The following EVI5L variants were observed in gnomAD, a reference collection of about 807,000 sequenced individuals.
EVI5L encodes EVI5-like protein.
EVI5L carries 30 observed loss-of-function variants against 106.1 expected under a neutral mutation model. The ratio of observed to expected loss-of-function variants is 0.28; its 90% CI spans 0.21 to 0.38. EVI5L has a LOEUF of 0.38. Ranked by LOEUF, EVI5L falls within the 10% of genes least tolerant of loss-of-function variation. EVI5L has a pLI of 1.00. For missense variants in EVI5L, 809 were observed against 1,098.0 expected, an observed-to-expected ratio of 0.74 and a Z score of 3.72; for synonymous variants, 489 against 483.3, an observed-to-expected ratio of 1.01 and a Z score of -0.15.
chr19:7,862,419 T>G lies in EVI5L; in HGVS notation c.1832T>G (p.Val611Gly), dbSNP rs757579911. ...ATCCACCGCAACCTTCTGAACCGCGTGGAGGCGGAGCGCGCGGCGCTGCAG... is the reference window on the plus strand; with the variant it reads ...ATCCACCGCAACCTTCTGAACCGCGGGGAGGCGGAGCGCGCGGCGCTGCAG... ...DHIHRNLLNR[V>G]EAERAALQEK... The change falls in exon 17 of 20, where the codon GTG (valine) becomes GGG (glycine). Residue 611 changes from valine (V) to glycine (G), a missense_variant. Transcript: ENST00000538904. 1.2e-6 allele frequency: 2 copies of G among 1,610,188 alleles called. No individual in the cohort carries two copies. Among genetic ancestry groups the G allele is most frequent in the East Asian group, 2.2e-5 (1 of 44,742 alleles).
At chr19:7,842,578 T>C (rs1481209658) in intron 1 of EVI5L, among the ~76,000 whole-genome samples, 2 of 149,332 alleles carry the variant, frequency 1.3e-5, no homozygotes, top group Admixed American at 6.7e-5. Flanking sequence ...TGTGTGTGCA[T>C]GTATCAAGCA....
At chr19:7,853,512 A>C (rs532096869) in intron 10 of EVI5L, 179 bp downstream of exon 10, 2 of 798,692 alleles carry the variant, frequency 2.5e-6, no homozygotes, top group African/African-American at 3.5e-5. Context: ...GCCAGCTGTG[A>C]GCGCCTCCCC....
intron 1 of EVI5L, among the ~76,000 whole-genome samples, chr19:7,841,789 C>G (rs988326875): frequency 6.6e-6 from 1 of 152,254 alleles, no homozygotes; most frequent in African/African-American, 2.4e-5. Flanking sequence ...GGGGCCTCCC[C>G]TGCCTCGCTC....
At chr19:7,862,632 C>A in intron 17 of EVI5L, 98 bp downstream of exon 17, 1 of 1,133,198 alleles carries the variant, frequency 8.8e-7, no homozygotes, top group South Asian at 2.2e-5. Flanking sequence ...GGCGTCCTGC[C>A]TCCCGATCTG....
At chr19:7,846,705 T>A in intron 2 of EVI5L, 26 bp downstream of exon 2, 1 of 1,605,742 alleles carries the variant, frequency 6.2e-7, no homozygotes, top group Non-Finnish European at 8.5e-7. Flanking sequence ...GGGGATGGGG[T>A]GAAATCTTGG....
chr19:7,839,850 G>T (rs1016557791), intron 1 of EVI5L, among the ~76,000 whole-genome samples: 1 of 152,154 alleles, frequency 6.6e-6, no homozygotes, highest in Non-Finnish European at 1.5e-5. Context: ...TTGAGGCCAG[G>T]ATCTCGCACC....
intron 1 of EVI5L, among the ~76,000 whole-genome samples, chr19:7,839,305 T>TAA (rs56135044): frequency 1.0e-3 from 144 of 144,068 alleles, no homozygotes; most frequent in African/African-American, 3.6e-3. Context: ...TCCATCCATC[T>TAA]AAAAAAAAAA....
chr19:7,847,326 G>A (rs1215772681), intron 2 of EVI5L, among the ~76,000 whole-genome samples: 1 of 151,882 alleles, frequency 6.6e-6, no homozygotes, highest in Non-Finnish European at 1.5e-5. Context: ...AGTGGCTCAA[G>A]CCTGTAATCC....
At chr19:7,854,293 A>AAG (rs1555693740) in intron 10 of EVI5L, among the ~76,000 whole-genome samples, 10 of 138,562 alleles carry the variant, frequency 7.2e-5, no homozygotes, top group Non-Finnish European at 9.4e-5. Context: ...AAAAAAAAAA[A>AAG]AAAAGAAAAG....
In EVI5L at chr19:7,856,608, G is replaced by A. The variant is rs962471766; in HGVS notation, c.1201-484G>A. Among the ~76,000 whole-genome samples, 12 of 151,934 alleles carry A rather than the reference G, an allele frequency of 7.9e-5. No individual in the cohort carries two copies. The highest frequency in any genetic ancestry group is 2.1e-4 in the South Asian group (1 of 4,822). The stretch of plus-strand genomic sequence containing the variant: ...AGCCCCCAATTCCTGCTCCTCACTC[G>A]TCCTCACTTGACCCTCCACTGGCCA... On this transcript the variant is annotated intron_variant, in intron 11 of 19. Coordinates refer to ENST00000538904, the MANE Select transcript of EVI5L (RefSeq NM_001159944.3). The surrounding 1 kb of genome is among the most constrained non-coding windows in gnomAD (Gnocchi z 6.6).
Position 7,863,019 on chromosome 19 carries a change from G to T in EVI5L, c.1995G>T (p.Met665Ile), listed in dbSNP as rs1286174966. The change falls in exon 18 of 20, where the codon ATG becomes ATT. Residue 665 changes from methionine (M) to isoleucine (I), a missense_variant. Physicochemically the swap from Met to Ile is conservative, Grantham distance 10. Coordinates refer to ENST00000538904, the MANE Select transcript of EVI5L (RefSeq NM_001159944.3). This position sits in a 1 kb window ranked among gnomAD's most constrained non-coding sequence, Gnocchi z 7.7. ...MAVRLREADS[M>I]AAVAEMRQRI... The stretch of plus-strand genomic sequence containing the variant: ...TGCGACTGCGGGAGGCGGACAGCAT[G>T]GCTGCGGTGGCCGAGATGCGGCAGC... 1 of 1,582,260 alleles carries T rather than the reference G, an allele frequency of 6.3e-7. No individual in the cohort carries two copies. Among genetic ancestry groups the T allele is most frequent in the South Asian group, 1.1e-5 (1 of 87,588 alleles).
rs1235494538 is a variant in EVI5L, at chr19:7,850,132, G to A, written c.753+10G>A. ...CGAGTACATGCTGCAGGTGAGCAGG[G>A]CCGCAGGAGAGCAGGGCTGCAGGAG... On this transcript the variant is annotated intron_variant, in intron 6 of 19. Transcript: ENST00000538904. This position sits in a 1 kb window ranked among gnomAD's most constrained non-coding sequence, Gnocchi z 5.4. The A allele has an allele frequency of 6.3e-7, 1 of 1,599,338 alleles. No homozygotes were observed. The highest frequency in any genetic ancestry group is 1.7e-5 in the Admixed American group (1 of 57,776).
In EVI5L at chr19:7,863,592, G is replaced by T; in HGVS notation, c.2308G>T (p.Asp770Tyr). The stretch of plus-strand genomic sequence containing the variant: ...CGCATTGTACCCTCTGTCCCCGCGC[G>T]ATGCGCGCTTCTTCCGCCGTCTGGA... The part of the protein sequence containing the change: ...QDALYPLSPR[D>Y]ARFFRRLERP... The change falls in exon 20 of 20, where the codon GAT (aspartate) becomes TAT (tyrosine). Residue 770 changes from aspartate (D) to tyrosine (Y), a missense_variant. Physicochemically the swap from Asp to Tyr is radical, Grantham distance 160. Transcript: ENST00000538904. This position sits in a 1 kb window ranked among gnomAD's most constrained non-coding sequence, Gnocchi z 7.7. The T allele has an allele frequency of 6.3e-7, 1 of 1,584,894 alleles. No homozygotes were observed. Among genetic ancestry groups the T allele is most frequent in the Non-Finnish European group, 8.6e-7 (1 of 1,166,412 alleles).
chr19:7,843,537 G>T (rs574551287), intron 1 of EVI5L, among the ~76,000 whole-genome samples: 30 of 138,980 alleles, frequency 2.2e-4, no homozygotes, highest in Admixed American at 1.9e-3. Context: ...GCATGGGTGT[G>T]TCGAGTGTGT....
intron 1 of EVI5L, among the ~76,000 whole-genome samples, chr19:7,840,316 T>C (rs1380012879): frequency 6.6e-6 from 1 of 152,110 alleles, no homozygotes; most frequent in Non-Finnish European, 1.5e-5. Flanking sequence ...CTGTCTCTAC[T>C]AAAAATACAA....
rs1568246746 is a variant in EVI5L at position 7,863,128 on chromosome 19, G to A, written c.2044-57G>A. On this transcript the variant is annotated intron_variant, in intron 18 of 19. Coordinates refer to ENST00000538904, the MANE Select transcript of EVI5L (RefSeq NM_001159944.3). The surrounding 1 kb of genome is among the most constrained non-coding windows in gnomAD (Gnocchi z 7.7). ...GGGGCAGGGCCCGGGGCAGGAGCGGGGCCGGACCCCAGGCCCAGCATGGCA... is the reference window on the plus strand; with the variant it reads ...GGGGCAGGGCCCGGGGCAGGAGCGGAGCCGGACCCCAGGCCCAGCATGGCA... The A allele has an allele frequency of 6.5e-7, 1 of 1,536,492 alleles. No homozygotes were observed. The highest frequency in any genetic ancestry group is 8.8e-7 in the Non-Finnish European group (1 of 1,141,788).
rs548597323 is a variant in EVI5L, at chr19:7,855,975, G to C, written c.1147-40G>C. 5.3e-6 allele frequency: 7 copies of C among 1,320,154 alleles called. No individual in the cohort carries two copies. In the South Asian group the frequency reaches 1.1e-4, roughly 21 times the overall value. The allele number at this position is 1,320,154 out of a possible 1,614,324, so 81.8% of individuals were successfully genotyped here. A position where few individuals can be genotyped will look rare whatever the true frequency, so the allele number is the denominator to read the frequency against. Reference sequence around the variant, plus strand: ...ATGAGGGGTGCATGTAGACAGGCGTGGGGGGCGGGCTATGACGTGATCTCC... The same window carrying C: ...ATGAGGGGTGCATGTAGACAGGCGTCGGGGGCGGGCTATGACGTGATCTCC... On this transcript the variant is annotated intron_variant, in intron 10 of 19. Transcript: ENST00000538904.
intron 1 of EVI5L, among the ~76,000 whole-genome samples, chr19:7,844,860 A>G (rs2146421260): frequency 6.6e-6 from 1 of 152,258 alleles, no homozygotes; most frequent in African/African-American, 2.4e-5. Context: ...GGGTCCCCAT[A>G]CAGTGAAAAA....
chr19:7,855,306 G>A (rs545520503), intron 10 of EVI5L, among the ~76,000 whole-genome samples: 23 of 151,976 alleles, frequency 1.5e-4, no homozygotes, highest in African/African-American at 4.8e-4. Flanking sequence ...AGTAGAGGCT[G>A]GTCTCGAACT....
Sources: gnomAD v4.1 joint callset for allele counts (sites outside exome capture counted in the v4.1 genomes callset) on GRCh38, gnomAD v4.1.1 for gene constraint, Gnocchi (gnomAD v3.1) non-coding constraint, MANE v1.5 for transcripts, NCBI Gene and HGNC (gene_info 2026-07-23, HGNC 2026-07-21) for gene names.